The following PRKN variants were observed in gnomAD, a reference collection of about 807,000 sequenced individuals.
The protein encoded by PRKN is E3 ubiquitin-protein ligase parkin.
A neutral mutation model predicts 59.5 loss-of-function variants in PRKN; 56 were observed. The observed-to-expected ratio is 0.94, with a 90% CI of 0.76 to 1.18. PRKN has a LOEUF of 1.18. Among genes scored for constraint, PRKN ranks in the 50% most tolerant of loss-of-function variants. The probability of loss-of-function intolerance (pLI) is 0.00; values close to 1 mark genes in which losing one functional copy is unlikely to be tolerated. For missense variants in PRKN, 657 were observed against 596.4 expected (o/e 1.10, Z -1.06); for synonymous variants, 250 against 222.1 (o/e 1.13, Z -1.12).
chr6:161,976,360 G>T (rs1781030752), intron 5 of PRKN, among the ~76,000 whole-genome samples: 1 of 152,184 alleles, frequency 6.6e-6, no homozygotes. Flanking sequence ...CACACCTGCA[G>T]TCCTCAGCCC....
intron 9 of PRKN, among the ~76,000 whole-genome samples, chr6:161,387,847 C>T (rs1786333982): frequency 6.6e-6 from 1 of 152,148 alleles, no homozygotes; most frequent in Non-Finnish European, 1.5e-5. Flanking sequence ...AGGCCTTCTT[C>T]AATCTGACTG....
chr6:161,374,591 G>GTTATATA (rs1785585607), intron 10 of PRKN, among the ~76,000 whole-genome samples: 1 of 2,246 alleles, frequency 4.5e-4, no homozygotes, highest in African/African-American at 1.9e-3. Context: ...TGTGGTGCAT[G>GTTATATA]TGTGTGGTGT....
chr6:162,430,221 G>T (rs1306600767), intron 2 of PRKN, among the ~76,000 whole-genome samples: 1 of 152,038 alleles, frequency 6.6e-6, no homozygotes, highest in East Asian at 1.9e-4. Context: ...CTGACATCAT[G>T]GGGTGTTACA....
chr6:162,012,121 T>C (rs1288745048), intron 5 of PRKN, among the ~76,000 whole-genome samples: 1 of 152,098 alleles, frequency 6.6e-6, no homozygotes, highest in Non-Finnish European at 1.5e-5. Flanking sequence ...CCTGCGGAGA[T>C]GAGAAATCGT....
At chr6:161,449,910 C>T (rs1207756712) in intron 9 of PRKN, among the ~76,000 whole-genome samples, 2 of 152,166 alleles carry the variant, frequency 1.3e-5, no homozygotes, top group Admixed American at 6.5e-5. Context: ...CCATGACCCC[C>T]ACACCCACCC....
At chr6:162,550,018 T>C (rs1779274522) in intron 1 of PRKN, among the ~76,000 whole-genome samples, 2 of 152,138 alleles carry the variant, frequency 1.3e-5, no homozygotes, top group African/African-American at 4.8e-5. Context: ...TGTCTCACCG[T>C]TTGTCTGGTG....
At chr6:161,804,615 G>C (rs181147527) in intron 6 of PRKN, among the ~76,000 whole-genome samples, 1 of 152,316 alleles carries the variant, frequency 6.6e-6, no homozygotes, top group East Asian at 1.9e-4. Context: ...AGACAAGGTT[G>C]ACAATTCATA....
At chr6:161,952,415 C>T (rs920998596) in intron 6 of PRKN, among the ~76,000 whole-genome samples, 1 of 151,996 alleles carries the variant, frequency 6.6e-6, no homozygotes, top group Non-Finnish European at 1.5e-5. Flanking sequence ...CTCAGGAGTT[C>T]GAGACCAGCC....
At chr6:162,139,512 A>G (rs377521327) in intron 4 of PRKN, among the ~76,000 whole-genome samples, 2 of 152,124 alleles carry the variant, frequency 1.3e-5, no homozygotes, top group East Asian at 1.9e-4. Context: ...GGCCCACTGC[A>G]GGGTAAAGAG....
intron 6 of PRKN, among the ~76,000 whole-genome samples, chr6:161,970,607 G>C (rs1358615610): frequency 1.3e-5 from 2 of 151,022 alleles, no homozygotes; most frequent in Non-Finnish European, 2.9e-5. Context: ...GTACAATCTT[G>C]GCTCACTGCA....
intron 7 of PRKN, among the ~76,000 whole-genome samples, chr6:161,707,287 A>G (rs1583033543): frequency 1.8e-5 from 1 of 55,304 alleles, no homozygotes; most frequent in African/African-American, 4.9e-5. Flanking sequence ...AGAGAAAGAC[A>G]GAGATTAATT....
intron 4 of PRKN, among the ~76,000 whole-genome samples, chr6:162,145,334 G>A (rs969931879): frequency 1.3e-5 from 2 of 152,188 alleles, no homozygotes; most frequent in South Asian, 2.1e-4. Flanking sequence ...TAAAACACAG[G>A]GATTTCCCCA....
rs1053258222 is a variant in PRKN, at chr6:161,778,780, G to A, written c.871+6992C>T. Among the ~76,000 whole-genome samples, 7 of 152,170 alleles carry A rather than the reference G, an allele frequency of 4.6e-5. No individual in the cohort carries two copies. In the South Asian group the frequency reaches 6.2e-4, roughly 14 times the overall value. ...ACGTGCCCAAAGTGCCCATCGTGTT[G>A]TCAGGGGCTGTGCTGCATCTGACCA... On this transcript the variant is annotated intron_variant, in intron 7 of 11. Transcript: ENST00000366898.
chr6:161,945,920 C>T (rs1011427281), intron 6 of PRKN, among the ~76,000 whole-genome samples: 11 of 152,098 alleles, frequency 7.2e-5, no homozygotes, highest in South Asian at 2.1e-4. Flanking sequence ...CTGCCAAGGA[C>T]GAAGAAATAT....
intron 7 of PRKN, among the ~76,000 whole-genome samples, chr6:161,687,635 T>G (rs1583006562): frequency 1.4e-5 from 2 of 148,088 alleles, no homozygotes; most frequent in East Asian, 2.0e-4. Flanking sequence ...TTTTGTATTT[T>G]TAATAGAGAC....
chr6:161,679,681 C>CA lies in PRKN; in HGVS notation c.871+106090_871+106091insT, dbSNP rs1341700839. 3.7e-5 allele frequency among the ~76,000 whole-genome samples: 5 copies of CA among 134,052 alleles called. 1 individual carries two copies. The highest frequency in any genetic ancestry group is 8.0e-5 in the Non-Finnish European group (5 of 62,750). The allele number at this position is 134,052 out of a possible 152,430, so 87.9% of individuals were successfully genotyped here. On this transcript the variant is annotated intron_variant, in intron 7 of 11. Transcript: ENST00000366898. ...TTGGTTTATAATAGAACCACCCCCC[C>CA]CCCTTTTTTTTTTTTAAGAAACAGG...
intron 6 of PRKN, among the ~76,000 whole-genome samples, chr6:161,858,641 A>T: frequency 6.6e-6 from 1 of 151,380 alleles, no homozygotes; most frequent in Non-Finnish European, 1.5e-5. Flanking sequence ...TTCCAGAGTG[A>T]GCCTGCAACA....
chr6:161,529,877 C>T lies in PRKN; in HGVS notation c.1083+18977G>A, dbSNP rs184092211. 6.6e-6 allele frequency among the ~76,000 whole-genome samples: 1 copy of T among 152,268 alleles called. No individual in the cohort carries two copies. Among genetic ancestry groups the T allele is most frequent in the African/African-American group, 2.4e-5 (1 of 41,550 alleles). ...TGATGAAGAAAAATACCACTTGACA[C>T]AAATTAATGTCAATCCTTGAGGGAC... On this transcript the variant is annotated intron_variant, in intron 9 of 11. Coordinates refer to ENST00000366898, the MANE Select transcript of PRKN (RefSeq NM_004562.3). The surrounding 1 kb of genome is among the most constrained non-coding windows in gnomAD (Gnocchi z 4.4).
rs888333278 is a variant in PRKN, at chr6:161,552,900, C to A, written c.934-3897G>T. On this transcript the variant is annotated intron_variant, in intron 8 of 11. Transcript: ENST00000366898. This position sits in a 1 kb window ranked among gnomAD's most constrained non-coding sequence, Gnocchi z 4.9. ...TCATCTCTTGGGTTCAAGCGATTCT[C>A]CTGCCTCAGCCTCCCGAGTAGCTGG... 2.6e-5 allele frequency among the ~76,000 whole-genome samples: 4 copies of A among 151,538 alleles called. No individual in the cohort carries two copies. Among genetic ancestry groups the A allele is most frequent in the Non-Finnish European group, 5.9e-5 (4 of 67,926 alleles).
Sources: allele counts gnomAD v4.1 joint callset (sites outside exome capture counted in the v4.1 genomes callset), GRCh38; gene constraint gnomAD v4.1.1; non-coding constraint Gnocchi (gnomAD v3.1); transcripts MANE v1.5; gene names NCBI Gene and HGNC (gene_info 2026-07-23, HGNC 2026-07-21).